The following KIAA1549 variants were observed in gnomAD, a reference collection of about 807,000 sequenced individuals.
The protein encoded by KIAA1549 is UPF0606 protein KIAA1549.
KIAA1549 carries 70 observed loss-of-function variants against 156.4 expected under a neutral mutation model. That is an observed-to-expected ratio of 0.45 (90% confidence interval 0.37 to 0.55). The LOEUF (loss-of-function observed/expected upper bound fraction) is 0.55, where lower values mean the gene tolerates loss of function less well. Ranked by LOEUF, KIAA1549 falls within the 20% of genes least tolerant of loss-of-function variation. The pLI, the probability that KIAA1549 is intolerant of heterozygous loss-of-function variation, is 0.00. For synonymous variants in KIAA1549, 1,103 were observed against 1,066.4 expected (o/e 1.03, Z -0.67); for missense variants, 2,428 against 2,540.9 (o/e 0.96, Z 0.96).
At chr7:138,970,174 AGTTT>A (rs1450607758) in intron 1 of KIAA1549, among the ~76,000 whole-genome samples, 1 of 152,082 alleles carries the variant, frequency 6.6e-6, no homozygotes, top group South Asian at 2.1e-4. Flanking sequence ...CCCAGACGAC[AGTTT>A]GTTTATTCAT....
chr7:138,877,378 C>G (rs1315449948), intron 12 of KIAA1549, among the ~76,000 whole-genome samples: 1 of 152,090 alleles, frequency 6.6e-6, no homozygotes, highest in African/African-American at 2.4e-5. Context: ...TCTGTAATCC[C>G]AGCTACTCGG....
chr7:138,958,285 T>C (rs1426151659), intron 1 of KIAA1549, among the ~76,000 whole-genome samples: 1 of 152,158 alleles, frequency 6.6e-6, no homozygotes, highest in Non-Finnish European at 1.5e-5. Context: ...GCACCGGATC[T>C]AGGTGCCACC....
chr7:138,896,636 T>A (rs935517992), intron 9 of KIAA1549, among the ~76,000 whole-genome samples: 1 of 150,462 alleles, frequency 6.6e-6, no homozygotes, highest in African/African-American at 2.4e-5. Flanking sequence ...ACTCTATCAC[T>A]CAGGCTAGAA....
In KIAA1549 at chr7:138,918,520, G is replaced by A. The variant is rs755135715; in HGVS notation, c.1106C>T (p.Ala369Val). The change falls in exon 2 of 20, where the codon GCG (alanine) becomes GTG (valine). Residue 369 changes from alanine (A) to valine (V), a missense_variant. Physicochemically the swap from Ala to Val is moderately conservative, Grantham distance 64. Coordinates refer to ENST00000422774, the MANE Select transcript of KIAA1549 (RefSeq NM_001164665.2). The surrounding 1 kb of genome is among the most constrained non-coding windows in gnomAD (Gnocchi z 4.2). ...AACATCAGTTGGTGAAGCAGAGGACGCAAATGCAAGAGGAGTTGAAAGCAA... is the reference window on the plus strand; with the variant it reads ...AACATCAGTTGGTGAAGCAGAGGACACAAATGCAAGAGGAGTTGAAAGCAA... ...SPLLSTPLAF[A>V]SSASPTDVSS... 52 of 1,613,928 alleles carry A rather than the reference G, an allele frequency of 3.2e-5. No homozygotes were observed. The highest frequency in any genetic ancestry group is 3.9e-5 in the Non-Finnish European group (46 of 1,179,894).
chr7:138,936,833 G>A (rs1400957224), intron 1 of KIAA1549, among the ~76,000 whole-genome samples: 1 of 150,986 alleles, frequency 6.6e-6, no homozygotes, highest in Non-Finnish European at 1.5e-5. Context: ...AGAGGTGTGT[G>A]TTCCTAGCCA....
chr7:138,943,619 G>A (rs1179662857), intron 1 of KIAA1549, among the ~76,000 whole-genome samples: 2 of 152,138 alleles, frequency 1.3e-5, no homozygotes, highest in Non-Finnish European at 2.9e-5. Context: ...GGAGGCCAAG[G>A]CGGGTGGATC....
intron 1 of KIAA1549, among the ~76,000 whole-genome samples, chr7:138,922,174 C>T (rs1203428363): frequency 1.3e-5 from 2 of 152,294 alleles, no homozygotes; most frequent in African/African-American, 4.8e-5. Context: ...AGCTATTGTA[C>T]GAAACGTCAT....
At chr7:138,864,333 G>A (rs190499427) in intron 15 of KIAA1549, among the ~76,000 whole-genome samples, 20 of 152,256 alleles carry the variant, frequency 1.3e-4, no homozygotes, top group African/African-American at 4.3e-4. Flanking sequence ...TATACCGAGA[G>A]AGATGATCTG....
At chr7:138,900,236 C>G (rs901776328) in intron 8 of KIAA1549, among the ~76,000 whole-genome samples, 3 of 152,178 alleles carry the variant, frequency 2.0e-5, no homozygotes, top group East Asian at 1.9e-4. Flanking sequence ...TCTTCCAGAT[C>G]GTGTCTAAAG....
intron 1 of KIAA1549, among the ~76,000 whole-genome samples, chr7:138,933,082 C>T (rs1473882735): frequency 6.6e-6 from 1 of 152,032 alleles, no homozygotes; most frequent in African/African-American, 2.4e-5. Context: ...GCCCTGCTGG[C>T]ATGCACGTTT....
chr7:138,907,673 G>A (rs924605409), intron 5 of KIAA1549, among the ~76,000 whole-genome samples: 7 of 152,100 alleles, frequency 4.6e-5, no homozygotes, highest in African/African-American at 1.2e-4. Context: ...TTCCTCCTCC[G>A]TCCTTCCTAA....
intron 7 of KIAA1549, 79 bp from the exon 8 acceptor site, chr7:138,903,815 G>GCGCGCGCA: frequency 2.0e-5 from 5 of 246,228 alleles, no homozygotes; most frequent in Non-Finnish European, 3.4e-5. Flanking sequence ...GTGTGTGTGT[G>GCGCGCGCA]TGTGTGTGTG....
chr7:138,838,431 T>C (rs1809812430), intron 19 of KIAA1549, among the ~76,000 whole-genome samples: 1 of 151,946 alleles, frequency 6.6e-6, no homozygotes, highest in African/African-American at 2.4e-5. Flanking sequence ...CATGCCAGGC[T>C]GACAAGGGGA....
At chr7:138,883,455 G>A (rs1028369824) in intron 10 of KIAA1549, among the ~76,000 whole-genome samples, 2 of 151,746 alleles carry the variant, frequency 1.3e-5, no homozygotes, top group Non-Finnish European at 2.9e-5. Context: ...TGAGATTAAG[G>A]GTGCACGCCA....
Position 138,836,725 on chromosome 7 carries a change from AC to A in KIAA1549, c.*1180del, listed in dbSNP as rs1389601640. On this transcript the variant is annotated 3_prime_UTR_variant, in exon 20 of 20. Coordinates refer to ENST00000422774, the MANE Select transcript of KIAA1549 (RefSeq NM_001164665.2). Reference sequence around the variant, plus strand: ...ATTTTAATAGCCACTCGACAGAGTAACAGCACAATAAAATCAGAAATGAGAA... The same window carrying A: ...ATTTTAATAGCCACTCGACAGAGTAAAGCACAATAAAATCAGAAATGAGAA... The A allele has an allele frequency of 9.1e-6, 2 of 219,538 alleles. No homozygotes were observed. The highest frequency in any genetic ancestry group is 4.5e-5 in the African/African-American group (2 of 44,540). The allele number at this position is 219,538 out of a possible 1,614,324, so 13.6% of individuals were successfully genotyped here.
At position 138,905,011 on chromosome 7, in the gene KIAA1549, G is replaced by A; in HGVS notation, c.3520+11C>T. 2 of 1,534,782 alleles carry A rather than the reference G, an allele frequency of 1.3e-6. No individual in the cohort carries two copies. The highest frequency in any genetic ancestry group is 1.8e-6 in the Non-Finnish European group (2 of 1,127,182). ...TTACAGTTCCCAAAATATTACATAA[G>A]TTAAACATACCTGTTCTGACCCAAG... is the stretch of plus-strand genomic sequence containing the variant. On this transcript the variant is annotated intron_variant, in intron 7 of 19. Coordinates refer to ENST00000422774, the MANE Select transcript of KIAA1549 (RefSeq NM_001164665.2).
intron 1 of KIAA1549, among the ~76,000 whole-genome samples, chr7:138,969,092 C>A (rs967664491): frequency 6.6e-6 from 1 of 152,154 alleles, no homozygotes; most frequent in Non-Finnish European, 1.5e-5. Context: ...CACCATCCAA[C>A]TCAAGGAGGC....
chr7:138,889,783 G>A (rs916918606), intron 10 of KIAA1549, among the ~76,000 whole-genome samples: 23 of 151,660 alleles, frequency 1.5e-4, no homozygotes, highest in African/African-American at 5.3e-4. Flanking sequence ...CAGTCTGTGC[G>A]TATTATGCAC....
chr7:138,901,983 C>G (rs1811856769), intron 8 of KIAA1549, among the ~76,000 whole-genome samples: 1 of 152,114 alleles, frequency 6.6e-6, no homozygotes, highest in Admixed American at 6.5e-5. Context: ...TCACGGTGTC[C>G]TATAACTATT....
Sources: allele counts gnomAD v4.1 joint callset (sites outside exome capture counted in the v4.1 genomes callset), GRCh38; gene constraint gnomAD v4.1.1; non-coding constraint Gnocchi (gnomAD v3.1); transcripts MANE v1.5; gene names NCBI Gene and HGNC (gene_info 2026-07-23, HGNC 2026-07-21).